Variants in SRGAP2 observed in about 807,000 individuals in gnomAD.
SRGAP2 encodes the protein SLIT-ROBO Rho GTPase-activating protein 2.
Under a neutral mutation model 57.2 loss-of-function variants are expected in SRGAP2, and 15 were observed. The ratio of observed to expected loss-of-function variants is 0.26; its 90% confidence interval spans 0.18 to 0.40. SRGAP2 has a LOEUF of 0.40. SRGAP2 is among the 10% of genes least tolerant of loss of function. SRGAP2 has a pLI of 1.00. For synonymous variants in SRGAP2, 249 were observed against 248.0 expected (o/e 1.00, Z -0.04); for missense variants, 520 against 669.6 (o/e 0.78, Z 2.47).
chr1:206,341,534 G>A (rs1450667840), intron 3 of SRGAP2, among the ~76,000 whole-genome samples: 2 of 151,626 alleles, frequency 1.3e-5, no homozygotes, highest in African/African-American at 4.8e-5. Context: ...CATGTATAAA[G>A]GGCCCAGATA....
chr1:206,213,420 A>G (rs1478277945), intron 2 of SRGAP2: 1 of 619,492 alleles, frequency 1.6e-6, no homozygotes, highest in African/African-American at 2.0e-5. Flanking sequence ...TTTAAAAAGT[A>G]ACAAATAAAT....
rs1238054103 is a variant in SRGAP2, at chr1:206,464,414, T to C, written c.*2994T>C. 1.3e-5 allele frequency: 2 copies of C among 152,650 alleles called. No homozygotes were observed. The highest frequency in any genetic ancestry group is 2.9e-5 in the Non-Finnish European group (2 of 68,046). The allele number at this position is 152,650 out of a possible 1,614,324, so 9.5% of individuals were successfully genotyped here. A position where few individuals can be genotyped will look rare whatever the true frequency, so the allele number is the denominator to read the frequency against. ...GAAAATCCAAAGCACAACTTCAAAA[T>C]AAAATACATTTTTAGGTTTCGATGC... On this transcript the variant is annotated 3_prime_UTR_variant, in exon 23 of 23. Coordinates refer to ENST00000573034, the MANE Select transcript of SRGAP2 (RefSeq NM_015326.5).
intron 3 of SRGAP2, among the ~76,000 whole-genome samples, chr1:206,318,593 A>G (rs1177528712): frequency 6.6e-6 from 1 of 152,230 alleles, no homozygotes; most frequent in Non-Finnish European, 1.5e-5. Flanking sequence ...TAAAGAAAAA[A>G]GGTTTGATTG....
chr1:206,341,066 C>T (rs1675149604), intron 3 of SRGAP2, among the ~76,000 whole-genome samples: 1 of 152,178 alleles, frequency 6.6e-6, no homozygotes, highest in Non-Finnish European at 1.5e-5. Context: ...GAAGTAACTT[C>T]TTGGTTGGGT....
chr1:206,354,616 T>A (rs1205538129), intron 4 of SRGAP2, among the ~76,000 whole-genome samples: 1 of 152,240 alleles, frequency 6.6e-6, no homozygotes, highest in Non-Finnish European at 1.5e-5. Context: ...TTGAGGCTAT[T>A]ATGTATGTTA....
intron 2 of SRGAP2, among the ~76,000 whole-genome samples, chr1:206,284,871 AC>A (rs1670932609): frequency 6.6e-6 from 1 of 152,176 alleles, no homozygotes; most frequent in Non-Finnish European, 1.5e-5. Flanking sequence ...TGTTTGCAAA[AC>A]CACCATGGCC....
At chr1:206,426,750 C>T (rs782327381) in intron 13 of SRGAP2, among the ~76,000 whole-genome samples, 3 of 152,134 alleles carry the variant, frequency 2.0e-5, no homozygotes, top group Non-Finnish European at 4.4e-5. Flanking sequence ...ACCTGTTGGC[C>T]ATTTGTATGT....
intron 17 of SRGAP2, among the ~76,000 whole-genome samples, chr1:206,443,316 T>C (rs77883470): frequency 1.3e-3 from 194 of 152,308 alleles, no homozygotes; most frequent in African/African-American, 4.3e-3. Context: ...AGAGAGTTGT[T>C]ACTAATGTTA....
At chr1:206,386,192 G>A (rs568838073) in intron 5 of SRGAP2, among the ~76,000 whole-genome samples, 1 of 152,250 alleles carries the variant, frequency 6.6e-6, no homozygotes, top group East Asian at 1.9e-4. Flanking sequence ...AGTGCACAGG[G>A]CAGCTCCCAC....
rs543082175 is a variant in SRGAP2, at chr1:206,404,536, A to G, written c.1057-713A>G. Among the ~76,000 whole-genome samples, 10 of 148,886 alleles carry G rather than the reference A, an allele frequency of 6.7e-5. No individual in the cohort carries two copies. In the South Asian group the frequency reaches 2.1e-3, roughly 32 times the overall value. ...GGGACTGTGGATGACCTCATCCCAT[A>G]ACCACATCTCCAATGGGAGACAGTG... On this transcript the variant is annotated intron_variant, in intron 8 of 22. Transcript: ENST00000573034.
intron 3 of SRGAP2, among the ~76,000 whole-genome samples, chr1:206,327,300 C>A (rs1673999155): frequency 6.6e-6 from 1 of 150,928 alleles, no homozygotes; most frequent in Non-Finnish European, 1.5e-5. Context: ...GCACTCTAGC[C>A]TGGACAACAA....
chr1:206,398,711 G>T (rs1461285519), intron 7 of SRGAP2, among the ~76,000 whole-genome samples: 1 of 152,084 alleles, frequency 6.6e-6, no homozygotes, highest in Non-Finnish European at 1.5e-5. Flanking sequence ...TAGTCTGGTT[G>T]GGGTGATATG....
intron 3 of SRGAP2, among the ~76,000 whole-genome samples, chr1:206,313,661 G>A (rs548018261): frequency 1.8e-4 from 27 of 152,354 alleles, no homozygotes; most frequent in African/African-American, 5.5e-4. Context: ...ATAGACACTG[G>A]AAACCACTGA....
chr1:206,458,989 A>T (rs1213296816), intron 22 of SRGAP2, 42 bp downstream of exon 22: 2 of 692,140 alleles, frequency 2.9e-6, no homozygotes, highest in Non-Finnish European at 5.4e-6. Context: ...GTCTACATTC[A>T]TCACTACCAC....
intron 3 of SRGAP2, among the ~76,000 whole-genome samples, chr1:206,334,646 C>T (rs530831171): frequency 6.6e-6 from 1 of 152,106 alleles, no homozygotes; most frequent in African/African-American, 2.4e-5. Flanking sequence ...TCCGCTCATG[C>T]CTGGTGCCAG....
At chr1:206,301,118 G>A (rs1553618636) in intron 2 of SRGAP2, among the ~76,000 whole-genome samples, 6 of 152,264 alleles carry the variant, frequency 3.9e-5, no homozygotes, top group Admixed American at 2.0e-4. Flanking sequence ...TGCAAGCTCC[G>A]CCTCCCGGGT....
At chr1:206,314,119 G>T (rs2987944) in intron 3 of SRGAP2, among the ~76,000 whole-genome samples, 3,838 of 107,976 alleles carry the variant, frequency 0.036, 57 homozygotes, top group East Asian at 0.081. Flanking sequence ...TTTTTTTTTT[G>T]TTGTTGTTGT....
In SRGAP2 at chr1:206,439,861, G is replaced by A. The variant is rs1408965478; in HGVS notation, c.1769-115G>A. 30 of 669,768 alleles carry A rather than the reference G, an allele frequency of 4.5e-5. 1 individual carries two copies. The Middle Eastern group carries it at 3.1e-3, about 70-fold the overall frequency. The allele number at this position is 669,768 out of a possible 1,614,324, so 41.5% of individuals were successfully genotyped here. On this transcript the variant is annotated intron_variant, in intron 16 of 22. Coordinates refer to ENST00000573034, the MANE Select transcript of SRGAP2 (RefSeq NM_015326.5). ...TCCTGTCACTGCACCAGTGCTGTGC[G>A]TGGGCTTGATCTGATGCTGTCCGTG... is the stretch of plus-strand genomic sequence containing the variant.
chr1:206,457,227 A>AT (rs1287887317), intron 21 of SRGAP2, among the ~76,000 whole-genome samples: 1 of 152,086 alleles, frequency 6.6e-6, no homozygotes, highest in African/African-American at 2.4e-5. Context: ...GCAAAGAGCT[A>AT]TTAGGGTGTG....
Sources: allele counts gnomAD v4.1 joint callset (sites outside exome capture counted in the v4.1 genomes callset), GRCh38; gene constraint gnomAD v4.1.1; transcripts MANE v1.5; gene names NCBI Gene and HGNC (gene_info 2026-07-23, HGNC 2026-07-21).